MARCKS: variants seen among roughly 807,000 people sequenced by gnomAD.
The protein encoded by MARCKS is myristoylated alanine-rich C-kinase substrate.
MARCKS carries 4 observed loss-of-function variants against 6.3 expected under a neutral mutation model. The ratio of observed to expected loss-of-function variants is 0.63; its 90% CI spans 0.31 to 1.45. MARCKS has a LOEUF of 1.45. MARCKS is among the 40% of genes most tolerant of loss of function. The probability of loss-of-function intolerance (pLI) is 0.07; values close to 1 mark genes in which losing one functional copy is unlikely to be tolerated. For missense variants in MARCKS, 636 were observed against 485.7 expected (o/e 1.31, Z -2.91); for synonymous variants, 289 against 236.5 (o/e 1.22, Z -2.04).
At position 113,863,310 on chromosome 6, in the gene MARCKS, AAAAT is replaced by A. The variant is rs774933617; in HGVS notation, c.*2738_*2741del. On this transcript the variant is annotated 3_prime_UTR_variant, in exon 2 of 2. Coordinates refer to ENST00000612661, the MANE Select transcript of MARCKS (RefSeq NM_002356.7). ...CTAAAAATAGCTTTGAGATTAAGGA[AAAAT>A]AAATAACTCTTGTACAGTTCAGTAT... 15 of 152,208 alleles carry A rather than the reference AAAAT, an allele frequency of 9.9e-5. No individual in the cohort carries two copies. Among genetic ancestry groups the A allele is most frequent in the Non-Finnish European group, 1.8e-4 (12 of 68,020 alleles). The allele number at this position is 152,208 out of a possible 1,614,324, so 9.4% of individuals were successfully genotyped here.
chr6:113,860,154 G>A lies in MARCKS; in HGVS notation c.574G>A (p.Gly192Ser), dbSNP rs1485050372. The A allele has an allele frequency of 6.3e-6, 9 of 1,431,880 alleles. No individual in the cohort carries two copies. The highest frequency in any genetic ancestry group is 3.0e-5 in the African/African-American group (2 of 65,768). The allele number at this position is 1,431,880 out of a possible 1,614,324, so 88.7% of individuals were successfully genotyped here. ...GGCTGAGGCGCCCGCTGCCGAAGGC[G>A]GCAAGGACGAGGCCGCCGGGGGCGC... ...GEAEAPAAEGGKDEAAGGAAA... is the reference protein window; with the variant it reads ...GEAEAPAAEGSKDEAAGGAAA... The change falls in exon 2 of 2, where the codon GGC (glycine) becomes AGC (serine). Residue 192 changes from glycine (G) to serine (S), a missense_variant. Gly to Ser is a moderately conservative substitution (Grantham distance 56). Coordinates refer to ENST00000612661, the MANE Select transcript of MARCKS (RefSeq NM_002356.7).
In MARCKS at chr6:113,860,561, A is replaced by C. The variant is rs750080973; in HGVS notation, c.981A>C (p.Pro327=). 3.0e-5 allele frequency: 47 copies of C among 1,555,290 alleles called. No individual in the cohort carries two copies. The Admixed American group carries it at 8.9e-4, about 29-fold the overall frequency. ...CCGAGTGCAGTCCAGAAGCCCCCCC[A>C]GCGGAGGCGGCAGAGTAAAAGAGCA... is the stretch of plus-strand genomic sequence containing the variant. ...AQPECSPEAP[P]AEAAE is the part of the protein sequence containing the mutation. The change falls in exon 2 of 2, where the codon CCA becomes CCC. Residue 327 remains proline, a synonymous_variant. Coordinates refer to ENST00000612661, the MANE Select transcript of MARCKS (RefSeq NM_002356.7).
Position 113,859,895 on chromosome 6 carries a change from G to A in MARCKS, c.315G>A (p.Lys105=). The change falls in exon 2 of 2, where the codon AAG becomes AAA. Residue 105 remains lysine, a synonymous_variant. Coordinates refer to ENST00000612661, the MANE Select transcript of MARCKS (RefSeq NM_002356.7). ...APEAGASPVE[K]EAPAEGEAAE... ...AGGCCGGGGCCAGCCCGGTAGAGAAGGAGGCCCCCGCGGAAGGCGAGGCTG... is the reference window on the plus strand; with the variant it reads ...AGGCCGGGGCCAGCCCGGTAGAGAAAGAGGCCCCCGCGGAAGGCGAGGCTG... 1.4e-6 allele frequency: 2 copies of A among 1,441,732 alleles called. No individual in the cohort carries two copies. Among genetic ancestry groups the A allele is most frequent in the South Asian group, 1.3e-5 (1 of 76,260 alleles). The allele number at this position is 1,441,732 out of a possible 1,614,324, so 89.3% of individuals were successfully genotyped here.
rs893263671 is a variant in MARCKS, at chr6:113,860,743, T to C, written c.*164T>C. 4 of 426,646 alleles carry C rather than the reference T, an allele frequency of 9.4e-6. No individual in the cohort carries two copies. The highest frequency in any genetic ancestry group is 1.6e-5 in the Non-Finnish European group (4 of 243,464). The allele number at this position is 426,646 out of a possible 1,614,324, so 26.4% of individuals were successfully genotyped here. Reference sequence around the variant, plus strand: ...TTTAAGCACCAAATTTTGTTGTTTTTTTTTTTTCTCCCCTCCCCACAGATC... The same window carrying C: ...TTTAAGCACCAAATTTTGTTGTTTTCTTTTTTTCTCCCCTCCCCACAGATC... On this transcript the variant is annotated 3_prime_UTR_variant, in exon 2 of 2. Coordinates refer to ENST00000612661, the MANE Select transcript of MARCKS (RefSeq NM_002356.7).
At position 113,860,697 on chromosome 6, in the gene MARCKS, T is replaced by G. The variant is rs530132101; in HGVS notation, c.*118T>G. 5.6e-6 allele frequency: 4 copies of G among 712,418 alleles called. No individual in the cohort carries two copies. In the South Asian group the frequency reaches 1.3e-4, roughly 23 times the overall value. 44.1% of individuals were successfully genotyped at this position (712,418 alleles called of 1,614,324 possible). ...CAACCAGGGATTGATTTTAAAGATGTCTTTTTTTATTTTACTTTTTTTTAA... is the reference window on the plus strand; with the variant it reads ...CAACCAGGGATTGATTTTAAAGATGGCTTTTTTTATTTTACTTTTTTTTAA... On this transcript the variant is annotated 3_prime_UTR_variant, in exon 2 of 2. Transcript: ENST00000612661.
rs1189978251 is a variant in MARCKS, at chr6:113,860,370, G to C, written c.790G>C (p.Val264Leu). Residue 264 changes from valine to leucine, a missense_variant, in exon 2 of 2, where the codon GTG becomes CTG. Val to Leu is a conservative substitution (Grantham distance 32). Coordinates refer to ENST00000612661, the MANE Select transcript of MARCKS (RefSeq NM_002356.7). Reference protein sequence around the residue: ...ETKAAEEPSKVEEKKAEEAGA... With the variant: ...ETKAAEEPSKLEEKKAEEAGA... ...CAAGGCCGCCGAGGAGCCCAGCAAG[G>C]TGGAGGAGAAAAAGGCCGAGGAGGC... is the stretch of plus-strand genomic sequence containing the variant. The C allele has an allele frequency of 4.7e-6, 6 of 1,285,258 alleles. No homozygotes were observed. Among genetic ancestry groups the C allele is most frequent in the Non-Finnish European group, 6.1e-6 (6 of 989,864 alleles). The allele number at this position is 1,285,258 out of a possible 1,614,324, so 79.6% of individuals were successfully genotyped here.
rs1474304229 is a variant in MARCKS at position 113,859,842 on chromosome 6, G to A, written c.262G>A (p.Gly88Ser). 7.7e-6 allele frequency: 10 copies of A among 1,294,620 alleles called. 1 individual carries two copies. The Middle Eastern group carries it at 1.5e-3, about 196-fold the overall frequency. 80.2% of individuals were successfully genotyped at this position (1,294,620 alleles called of 1,614,324 possible). ...GGCGTCGCCCTCCGCGGCCGAGAAA[G>A]GTGAGCCGGCCGCCGCCGCTGCCCC... ...GAASPSAAEKGEPAAAAAPEA... is the reference protein window; with the variant it reads ...GAASPSAAEKSEPAAAAAPEA... Residue 88 changes from glycine to serine, a missense_variant, in exon 2 of 2, where the codon GGT becomes AGT. Gly to Ser is a moderately conservative substitution (Grantham distance 56, BLOSUM62 0). Transcript: ENST00000612661.
At chr6:113,858,265 G>T (rs1019586446) in intron 1 of MARCKS, among the ~76,000 whole-genome samples, 2 of 148,238 alleles carry the variant, frequency 1.3e-5, no homozygotes, top group African/African-American at 5.2e-5. Context: ...ATTGTGTGTG[G>T]CGGGGGGGGG....
chr6:113,859,116 C>T (rs1052660903), intron 1 of MARCKS, among the ~76,000 whole-genome samples: 1 of 152,140 alleles, frequency 6.6e-6, no homozygotes, highest in Non-Finnish European at 1.5e-5. Flanking sequence ...CGCCCCCTGC[C>T]GGTGCCAAAG....
chr6:113,859,922 C>T lies in MARCKS; in HGVS notation c.342C>T (p.Ala114=). The T allele has an allele frequency of 1.4e-5, 20 of 1,465,224 alleles. No individual in the cohort carries two copies. Among genetic ancestry groups the T allele is most frequent in the Admixed American group, 2.4e-5 (1 of 41,882 alleles). 90.8% of individuals were successfully genotyped at this position (1,465,224 alleles called of 1,614,324 possible). The change falls in exon 2 of 2, where the codon GCC becomes GCT. Residue 114 remains alanine (A), a synonymous_variant. Transcript: ENST00000612661. ...EKEAPAEGEA[A]EPGSPTAAEG... is the part of the protein sequence containing the mutation. ...AGGCCCCCGCGGAAGGCGAGGCTGC[C>T]GAGCCCGGCTCGCCCACGGCCGCGG...
At chr6:113,858,781 G>A (rs1245107399) in intron 1 of MARCKS, among the ~76,000 whole-genome samples, 2 of 152,238 alleles carry the variant, frequency 1.3e-5, no homozygotes, top group Non-Finnish European at 2.9e-5. Context: ...GGGAAAGCGA[G>A]GTCTGCCAAG....
chr6:113,858,617 G>C (rs1249228686), intron 1 of MARCKS, among the ~76,000 whole-genome samples: 5 of 152,220 alleles, frequency 3.3e-5, no homozygotes, highest in African/African-American at 9.6e-5. Flanking sequence ...CACCCGCGAG[G>C]GGCCGCCCGG....
In MARCKS at chr6:113,861,830, A is replaced by G. The variant is rs374987606; in HGVS notation, c.*1251A>G. ...AATTTGTTGTGTTTTTTTATGTTCT[A>G]ATAATACTGAGACTTCTAGGTCTTA... is the stretch of plus-strand genomic sequence containing the variant. On this transcript the variant is annotated 3_prime_UTR_variant, in exon 2 of 2. Coordinates refer to ENST00000612661, the MANE Select transcript of MARCKS (RefSeq NM_002356.7). 1 of 152,622 alleles carries G rather than the reference A, an allele frequency of 6.6e-6. No homozygotes were observed. The highest frequency in any genetic ancestry group is 2.4e-5 in the African/African-American group (1 of 41,454). 9.5% of individuals were successfully genotyped at this position (152,622 alleles called of 1,614,324 possible).
At chr6:113,858,269 G>A (rs538144356) in intron 1 of MARCKS, among the ~76,000 whole-genome samples, 12 of 152,082 alleles carry the variant, frequency 7.9e-5, no homozygotes, top group Non-Finnish European at 1.5e-4. Flanking sequence ...TGTGTGGCGG[G>A]GGGGGGAGTC....
Position 113,860,189 on chromosome 6 carries a change from C to T in MARCKS, c.609C>T (p.Ala203=), listed in dbSNP as rs1208980665. 1.7e-6 allele frequency: 2 copies of T among 1,188,340 alleles called. No individual in the cohort carries two copies. Among genetic ancestry groups the T allele is most frequent in the East Asian group, 4.1e-5 (1 of 24,204 alleles). The allele number at this position is 1,188,340 out of a possible 1,614,324, so 73.6% of individuals were successfully genotyped here. A position where few individuals can be genotyped will look rare whatever the true frequency, so the allele number is the denominator to read the frequency against. The change falls in exon 2 of 2, where the codon GCC becomes GCT. Residue 203 remains alanine (A), a synonymous_variant. Transcript: ENST00000612661. The part of the protein sequence containing the change: ...KDEAAGGAAA[A]AAEAGAASGE... ...AGGCCGCCGGGGGCGCAGCTGCGGC[C>T]GCCGCCGAGGCGGGCGCGGCCTCCG...
Position 113,859,014 on chromosome 6 carries a change from G to T in MARCKS, c.103-669G>T, listed in dbSNP as rs45496094. 1.5e-3 allele frequency among the ~76,000 whole-genome samples: 235 copies of T among 152,164 alleles called. 1 individual carries two copies. Among genetic ancestry groups the T allele is most frequent in the Non-Finnish European group, 2.6e-3 (179 of 67,976 alleles). ...TCCGGGCTCGGGGGCGCCTCGGCCTGCGGGCAGGGCCCGGCTGGGCAGGGC... is the reference window on the plus strand; with the variant it reads ...TCCGGGCTCGGGGGCGCCTCGGCCTTCGGGCAGGGCCCGGCTGGGCAGGGC... On this transcript the variant is annotated intron_variant, in intron 1 of 1. Transcript: ENST00000612661.
Position 113,862,844 on chromosome 6 carries a change from A to T in MARCKS, c.*2265A>T, listed in dbSNP as rs1253013302. 2 of 152,186 alleles carry T rather than the reference A, an allele frequency of 1.3e-5. No individual in the cohort carries two copies. Among genetic ancestry groups the T allele is most frequent in the African/African-American group, 4.8e-5 (2 of 41,460 alleles). 9.4% of individuals were successfully genotyped at this position (152,186 alleles called of 1,614,324 possible). A position where few individuals can be genotyped will look rare whatever the true frequency, so the allele number is the denominator to read the frequency against. On this transcript the variant is annotated 3_prime_UTR_variant, in exon 2 of 2. Coordinates refer to ENST00000612661, the MANE Select transcript of MARCKS (RefSeq NM_002356.7). ...AAAATCAAATAACACTTAGAAGGGT[A>T]TGTATTTTTAGTTAGGGTTTCTTGA... is the stretch of plus-strand genomic sequence containing the variant.
Position 113,860,539 on chromosome 6 carries a change from A to T in MARCKS, c.959A>T (p.Glu320Val). Residue 320 changes from glutamate (E) to valine (V), a missense_variant, in exon 2 of 2, where the codon GAG becomes GTG. Transcript: ENST00000612661. ...GCCCCCTCACAGGAGGCCCAGCCCG[A>T]GTGCAGTCCAGAAGCCCCCCCAGCG... ...CAAPSQEAQP[E>V]CSPEAPPAEA... 1 of 1,560,336 alleles carries T rather than the reference A, an allele frequency of 6.4e-7. No homozygotes were observed. Among genetic ancestry groups the T allele is most frequent in the African/African-American group, 1.4e-5 (1 of 70,246 alleles).
At chr6:113,858,752 C>G (rs1043931236) in intron 1 of MARCKS, among the ~76,000 whole-genome samples, 1 of 152,232 alleles carries the variant, frequency 6.6e-6, no homozygotes, top group African/African-American at 2.4e-5. Flanking sequence ...CGTGTCGCTT[C>G]GCCTGCTCTA....
Sources: allele counts gnomAD v4.1 joint callset (sites outside exome capture counted in the v4.1 genomes callset), GRCh38; gene constraint gnomAD v4.1.1; transcripts MANE v1.5; gene names NCBI Gene and HGNC (gene_info 2026-07-23, HGNC 2026-07-21).